UNC13C: variants seen among roughly 807,000 people sequenced by gnomAD.
UNC13C encodes the protein unc-13 homolog C.
A neutral mutation model predicts 245.4 loss-of-function variants in UNC13C; 174 were observed. That is an observed-to-expected ratio of 0.71 (90% confidence interval 0.63 to 0.80). The LOEUF is 0.80. Among genes scored for constraint, UNC13C ranks in the 30% least tolerant of loss-of-function variants. The pLI is 0.00. For missense variants in UNC13C, 2,829 were observed against 2,602.9 expected, an observed-to-expected ratio of 1.09 and a Z score of -1.89; for synonymous variants, 992 against 895.1, an observed-to-expected ratio of 1.11 and a Z score of -1.93.
intron 17 of UNC13C, among the ~76,000 whole-genome samples, chr15:54,352,485 G>A (rs1332619252): frequency 6.6e-6 from 1 of 151,572 alleles, no homozygotes; most frequent in African/African-American, 2.4e-5. Flanking sequence ...CTAATGTGCT[G>A]ATTAGACATA....
At chr15:54,455,205 C>CTCTCTATATATATATATATA (rs1388065398) in intron 19 of UNC13C, among the ~76,000 whole-genome samples, 3 of 18,956 alleles carry the variant, frequency 1.6e-4, no homozygotes, top group African/African-American at 3.8e-4. Context: ...CTCTCTCTCT[C>CTCTCTATATATATATATATA]TATATATATA....
intron 29 of UNC13C, among the ~76,000 whole-genome samples, chr15:54,561,073 T>C (rs1265203584): frequency 6.6e-6 from 1 of 151,966 alleles, no homozygotes; most frequent in African/African-American, 2.4e-5. Context: ...GACTATTAAA[T>C]CTGACTCTTT....
intron 20 of UNC13C, among the ~76,000 whole-genome samples, chr15:54,499,265 C>A (rs1482176816): frequency 6.6e-6 from 1 of 151,988 alleles, no homozygotes; most frequent in Admixed American, 6.6e-5. Flanking sequence ...CATGAGAACT[C>A]AAACACTATC....
chr15:54,018,811 C>CT (rs776212450), intron 2 of UNC13C, among the ~76,000 whole-genome samples: 32 of 151,604 alleles, frequency 2.1e-4, no homozygotes, highest in South Asian at 4.2e-4. Flanking sequence ...GGCAAGTTGT[C>CT]TTTTTTTTTA....
the UNC13C span, among the ~76,000 whole-genome samples, chr15:53,915,512 A>G: frequency 6.6e-6 from 1 of 152,224 alleles, no homozygotes; most frequent in Non-Finnish European, 1.5e-5. Flanking sequence ...CTTATGACCA[A>G]TGAAGGATAG....
intron 2 of UNC13C, among the ~76,000 whole-genome samples, chr15:54,080,875 T>C (rs953582612): frequency 4.6e-5 from 7 of 152,100 alleles, no homozygotes; most frequent in African/African-American, 1.4e-4. Flanking sequence ...TTTTTGTTTT[T>C]CTAGTTCCTT....
At chr15:54,576,899 G>A (rs994121280) in intron 30 of UNC13C, among the ~76,000 whole-genome samples, 2 of 152,220 alleles carry the variant, frequency 1.3e-5, no homozygotes, top group South Asian at 4.1e-4. Flanking sequence ...CAAAGCAGGT[G>A]CTTAGTGAGT....
chr15:54,124,483 A>AT (rs2030897906), intron 2 of UNC13C, among the ~76,000 whole-genome samples: 1 of 151,998 alleles, frequency 6.6e-6, no homozygotes, highest in Admixed American at 6.6e-5. Context: ...TCCATATTAG[A>AT]TTTTTTCTGT....
At chr15:54,246,119 G>C (rs1157505090) in intron 7 of UNC13C, among the ~76,000 whole-genome samples, 1 of 152,098 alleles carries the variant, frequency 6.6e-6, no homozygotes, top group African/African-American at 2.4e-5. Context: ...AGTTTCTTCA[G>C]GTAGTAATCA....
intron 12 of UNC13C, among the ~76,000 whole-genome samples, chr15:54,298,612 C>A (rs556225729): frequency 2.0e-5 from 3 of 152,144 alleles, no homozygotes; most frequent in African/African-American, 7.2e-5. Context: ...GAGAGGTAAA[C>A]ACCACCCAAC....
At chr15:54,367,113 G>A (rs1332199056) in intron 17 of UNC13C, among the ~76,000 whole-genome samples, 1 of 152,094 alleles carries the variant, frequency 6.6e-6, no homozygotes, top group Non-Finnish European at 1.5e-5. Flanking sequence ...TATTAAAATT[G>A]TATTCACATT....
At chr15:54,035,740 A>G (rs1477938577) in intron 2 of UNC13C, among the ~76,000 whole-genome samples, 2 of 152,198 alleles carry the variant, frequency 1.3e-5, no homozygotes. Context: ...TAGCAGAAAC[A>G]CAAATGAGAA....
chr15:54,223,832 T>G (rs1425247062), intron 4 of UNC13C, among the ~76,000 whole-genome samples: 1 of 152,008 alleles, frequency 6.6e-6, no homozygotes, highest in Non-Finnish European at 1.5e-5. Context: ...TTTTGTAGTT[T>G]TCATTATAAA....
chr15:54,632,456 T>A (rs1473235066), downstream of UNC13C: 3 of 152,210 alleles, frequency 2.0e-5, no homozygotes, highest in African/African-American at 7.2e-5. Context: ...ATATGGAAAT[T>A]TTATACTTTG....
intron 8 of UNC13C, among the ~76,000 whole-genome samples, chr15:54,255,863 A>G (rs1004316487): frequency 1.3e-5 from 2 of 152,174 alleles, no homozygotes; most frequent in South Asian, 2.1e-4. Context: ...CTTTTCAACA[A>G]CACTAAAAGG....
chr15:54,471,919 C>G (rs913622348), intron 19 of UNC13C, among the ~76,000 whole-genome samples: 4 of 151,660 alleles, frequency 2.6e-5, no homozygotes, highest in African/African-American at 9.7e-5. Context: ...TTTAGCTACT[C>G]TATGCCTTTT....
chr15:54,047,783 G>A (rs932115477), intron 2 of UNC13C, among the ~76,000 whole-genome samples: 6 of 151,944 alleles, frequency 3.9e-5, no homozygotes, highest in Non-Finnish European at 5.9e-5. Context: ...TAAACTTTTC[G>A]AGGCATTTCA....
At chr15:54,169,154 A>G in intron 4 of UNC13C, among the ~76,000 whole-genome samples, 1 of 152,220 alleles carries the variant, frequency 6.6e-6, no homozygotes, top group Non-Finnish European at 1.5e-5. Context: ...TTTGCTTAAA[A>G]GTTTTTCAAA....
the UNC13C span, among the ~76,000 whole-genome samples, chr15:53,916,590 A>C: frequency 8.4e-3 from 1,282 of 152,304 alleles, 11 homozygotes; most frequent in African/African-American, 0.029. Context: ...ATCGTCGAGC[A>C]CCTAGAAGCT....
Sources: gnomAD v4.1 joint callset for allele counts (sites outside exome capture counted in the v4.1 genomes callset) on GRCh38, gnomAD v4.1.1 for gene constraint, MANE v1.5 for transcripts, NCBI Gene and HGNC (gene_info 2026-07-23, HGNC 2026-07-21) for gene names.